The following HERC4 variants were observed in gnomAD, a reference collection of about 807,000 sequenced individuals.
The protein encoded by HERC4 is HECT and RLD domain containing E3 ubiquitin protein ligase 4, also known as probable E3 ubiquitin-protein ligase HERC4.
HERC4 carries 28 observed loss-of-function variants against 124.3 expected under a neutral mutation model. The observed-to-expected ratio is 0.23, with a 90% CI of 0.17 to 0.31. HERC4 has a LOEUF of 0.31. HERC4 is among the 10% of genes least tolerant of loss of function. The pLI, the probability that HERC4 is intolerant of heterozygous loss-of-function variation, is 1.00. For missense variants in HERC4, 713 were observed against 1,229.3 expected, an observed-to-expected ratio of 0.58 and a Z score of 6.28; for synonymous variants, 407 against 421.5, an observed-to-expected ratio of 0.97 and a Z score of 0.42.
intron 7 of HERC4, among the ~76,000 whole-genome samples, chr10:68,032,358 T>C (rs1475719458): frequency 6.6e-6 from 1 of 152,100 alleles, no homozygotes; most frequent in African/African-American, 2.4e-5. Flanking sequence ...GAGAAATTCA[T>C]CTCCTCTATT....
intron 4 of HERC4, 119 bp downstream of exon 4, chr10:68,044,285 C>CA: frequency 1.1e-6 from 1 of 924,744 alleles, no homozygotes; most frequent in Non-Finnish European, 1.6e-6. Context: ...TCAAAGGACT[C>CA]AAAGGGGAGA....
intron 9 of HERC4, among the ~76,000 whole-genome samples, chr10:68,009,670 C>A (rs1276664772): frequency 6.6e-6 from 1 of 152,130 alleles, no homozygotes; most frequent in African/African-American, 2.4e-5. Flanking sequence ...AAGTTTGCTA[C>A]ACTGATTGAC....
At chr10:68,070,052 A>G in intron 3 of HERC4, 1 of 974,474 alleles carries the variant, frequency 1.0e-6, no homozygotes, top group Non-Finnish European at 1.2e-6. Context: ...AAACAAAACG[A>G]AACAAAACAA....
intron 8 of HERC4, among the ~76,000 whole-genome samples, chr10:68,021,016 G>A (rs2038590573): frequency 6.6e-6 from 1 of 151,010 alleles, no homozygotes; most frequent in Non-Finnish European, 1.5e-5. Flanking sequence ...AATAGAGCAA[G>A]AGAGAGACTA....
intron 9 of HERC4, among the ~76,000 whole-genome samples, chr10:68,012,439 G>A (rs1275946883): frequency 6.6e-6 from 1 of 152,208 alleles, no homozygotes; most frequent in African/African-American, 2.4e-5. Flanking sequence ...TGTACTTAGA[G>A]GCCACTGTAG....
intron 15 of HERC4, among the ~76,000 whole-genome samples, chr10:67,985,749 G>C (rs2036225061): frequency 6.6e-6 from 1 of 152,196 alleles, no homozygotes; most frequent in East Asian, 1.9e-4. Context: ...CTGACAGCAG[G>C]TACCAAAGGT....
chr10:67,949,519 T>C (rs535625123), intron 19 of HERC4, among the ~76,000 whole-genome samples: 5 of 152,178 alleles, frequency 3.3e-5, no homozygotes, highest in South Asian at 2.1e-4. Flanking sequence ...AATCCAACCC[T>C]ACAAACCAAT....
At chr10:68,073,914 A>G (rs2133894205) in intron 1 of HERC4, 1 of 152,198 alleles carries the variant, frequency 6.6e-6, no homozygotes, top group Middle Eastern at 3.4e-3. Context: ...AAAAAAAAAC[A>G]TGCAATTTAA....
intron 16 of HERC4, among the ~76,000 whole-genome samples, chr10:67,959,814 T>G (rs1047350626): frequency 2.6e-5 from 4 of 152,246 alleles, no homozygotes; most frequent in Non-Finnish European, 5.9e-5. Context: ...TACCACTTTA[T>G]TGAACAGAAA....
At chr10:68,055,988 T>C (rs567402570) in intron 3 of HERC4, among the ~76,000 whole-genome samples, 3 of 152,024 alleles carry the variant, frequency 2.0e-5, no homozygotes, top group Non-Finnish European at 2.9e-5. Context: ...CCTCAGGTGA[T>C]CCACTGGCCT....
chr10:67,935,161 T>G (rs2032236978), intron 22 of HERC4, among the ~76,000 whole-genome samples: 1 of 151,792 alleles, frequency 6.6e-6, no homozygotes, highest in Non-Finnish European at 1.5e-5. Context: ...TTTTTTTTTT[T>G]TTGAGACGGA....
intron 16 of HERC4, among the ~76,000 whole-genome samples, chr10:67,959,762 A>G (rs1482844540): frequency 1.3e-5 from 2 of 152,236 alleles, no homozygotes; most frequent in Non-Finnish European, 2.9e-5. Context: ...AGAGAAAGAT[A>G]TATTTATTAA....
chr10:67,999,073 T>C (rs942879562), intron 9 of HERC4, among the ~76,000 whole-genome samples: 2 of 152,170 alleles, frequency 1.3e-5, no homozygotes, highest in African/African-American at 4.8e-5. Context: ...TAAAAATATG[T>C]CTAGGCTTGA....
At chr10:67,999,349 C>A (rs967265643) in intron 9 of HERC4, among the ~76,000 whole-genome samples, 1 of 152,142 alleles carries the variant, frequency 6.6e-6, no homozygotes, top group African/African-American at 2.4e-5. Flanking sequence ...TTATTTTAGG[C>A]CTGTGTAACC....
At chr10:67,937,588 T>C (rs1487126590) in intron 21 of HERC4, among the ~76,000 whole-genome samples, 2 of 152,040 alleles carry the variant, frequency 1.3e-5, no homozygotes, top group African/African-American at 2.4e-5. Context: ...TCGTTTTTGT[T>C]TTTGTTTTTT....
chr10:68,043,434 T>C (rs2039867215), intron 4 of HERC4, among the ~76,000 whole-genome samples: 1 of 152,256 alleles, frequency 6.6e-6, no homozygotes, highest in Non-Finnish European at 1.5e-5. Flanking sequence ...TATGAGTTAA[T>C]GTATTATTTA....
chr10:67,926,545 G>A (rs1020229975), intron 23 of HERC4, among the ~76,000 whole-genome samples: 5 of 151,902 alleles, frequency 3.3e-5, no homozygotes, highest in Non-Finnish European at 7.4e-5. Context: ...CTTCAGATGC[G>A]TCAGGTCCTT....
At position 67,985,526 on chromosome 10, in the gene HERC4, T is replaced by C. The variant is rs188155454; in HGVS notation, c.1806+3137A>G. On this transcript the variant is annotated intron_variant, in intron 15 of 24. Transcript: ENST00000373700. ...GGGTGGTTATGGTGAGTATGTTTTA[T>C]CTGTTTGGTTTTATTTAAGGGTTCT... Among the ~76,000 whole-genome samples the C allele has an allele frequency of 1.9e-3, 290 of 152,368 alleles. 1 individual carries two copies. Among genetic ancestry groups the C allele is most frequent in the Non-Finnish European group, 2.5e-3 (173 of 68,034 alleles).
chr10:67,925,785 C>T (rs1202986322), intron 23 of HERC4, among the ~76,000 whole-genome samples: 2 of 152,126 alleles, frequency 1.3e-5, no homozygotes. Flanking sequence ...GTTGTCATTT[C>T]ATGAGGATAT....
Sources: gnomAD v4.1 joint callset for allele counts (sites outside exome capture counted in the v4.1 genomes callset) on GRCh38, gnomAD v4.1.1 for gene constraint, MANE v1.5 for transcripts, NCBI Gene and HGNC (gene_info 2026-07-23, HGNC 2026-07-21) for gene names.